DMXL1: variants seen among roughly 807,000 people sequenced by gnomAD.
DMXL1 encodes the protein dmX-like protein 1.
A neutral mutation model predicts 319.2 loss-of-function variants in DMXL1; 99 were observed. That is an observed-to-expected ratio of 0.31 (90% CI 0.26 to 0.37). The LOEUF is 0.37. Ranked by LOEUF, DMXL1 falls within the 10% of genes least tolerant of loss-of-function variation. DMXL1 has a pLI of 1.00. For synonymous variants in DMXL1, 1,385 were observed against 1,235.2 expected (o/e 1.12, Z -2.54); for missense variants, 3,745 against 3,595.6 (o/e 1.04, Z -1.06).
intron 33 of DMXL1, among the ~76,000 whole-genome samples, chr5:119,203,870 G>T (rs1029899167): frequency 1.3e-5 from 2 of 151,836 alleles, no homozygotes; most frequent in Non-Finnish European, 2.9e-5. Context: ...ACCCAGGCTG[G>T]AGTGCAGTGG....
chr5:119,189,943 C>G, intron 29 of DMXL1, 57 bp downstream of exon 29: 2 of 1,497,812 alleles, frequency 1.3e-6, no homozygotes, highest in Non-Finnish European at 1.8e-6. Flanking sequence ...ATGAGAATAT[C>G]AGAAATAAGT....
chr5:119,137,393 GA>G (rs1766259822), intron 13 of DMXL1, among the ~76,000 whole-genome samples: 1 of 152,184 alleles, frequency 6.6e-6, no homozygotes, highest in Non-Finnish European at 1.5e-5. Context: ...TTTGGACTTG[GA>G]CTTTTGGGTT....
chr5:119,143,719 G>C, intron 13 of DMXL1, 122 bp from the exon 14 acceptor site: 1 of 546,374 alleles, frequency 1.8e-6, no homozygotes, highest in South Asian at 3.5e-5. Context: ...TAGTTGAAAG[G>C]GACTATATTT....
At position 119,149,728 on chromosome 5, in the gene DMXL1, G is replaced by A. The variant is rs766524286; in HGVS notation, c.3901G>A (p.Asp1301Asn). ...AATCTGTGGAAAGAAAACTGCATTC[G>A]ATCCTTCAGTGGATATGGAAGATTC... ...QKICGKKTAF[D>N]PSVDMEDSGL... The change falls in exon 18 of 44, where the codon GAT becomes AAT. Residue 1301 changes from aspartate to asparagine, a missense_variant. This residue lies in a region of DMXL1 where 2,096 missense variants were observed against 1,985.4 expected (regional missense o/e 1.06). Transcript: ENST00000539542. The A allele has an allele frequency of 1.3e-5, 21 of 1,613,952 alleles. No homozygotes were observed. The highest frequency in any genetic ancestry group is 1.7e-5 in the Non-Finnish European group (20 of 1,179,930).
intron 4 of DMXL1, among the ~76,000 whole-genome samples, chr5:119,105,622 G>A (rs1249019679): frequency 6.6e-6 from 1 of 152,164 alleles, no homozygotes; most frequent in Non-Finnish European, 1.5e-5. Flanking sequence ...TATGCCAGGC[G>A]TGGTGGCTCA....
chr5:119,233,871 G>A (rs572153972), intron 39 of DMXL1, among the ~76,000 whole-genome samples: 3 of 152,132 alleles, frequency 2.0e-5, no homozygotes, highest in East Asian at 1.9e-4. Context: ...ATTTTAACCC[G>A]ATATTGTTGT....
In DMXL1 at chr5:119,110,140, A is replaced by T. The variant is rs1369745283; in HGVS notation, c.365-11A>T. The T allele has an allele frequency of 5.1e-6, 8 of 1,583,544 alleles. No homozygotes were observed. The Admixed American group carries it at 5.6e-5, about 11-fold the overall frequency. On this transcript the variant is annotated splice_polypyrimidine_tract_variant and intron_variant, in intron 4 of 43. Transcript: ENST00000539542. ...ACCTAAATAATAAATGAGGAATAAT[A>T]TTTTTTTTAGGCAGTCGTCTTTTAA...
intron 36 of DMXL1, 152 bp downstream of exon 36, chr5:119,220,745 A>T: frequency 2.5e-6 from 3 of 1,181,154 alleles, no homozygotes; most frequent in Non-Finnish European, 3.5e-6. Flanking sequence ...AAGAGCTTTA[A>T]ATAAGGGAAC....
intron 13 of DMXL1, 50 bp from the exon 14 acceptor site, chr5:119,143,790 TA>T: frequency 1.6e-6 from 2 of 1,241,144 alleles, no homozygotes; most frequent in Middle Eastern, 2.2e-4. Flanking sequence ...TATTTACTCT[TA>T]TTTGCATATG....
intron 38 of DMXL1, among the ~76,000 whole-genome samples, chr5:119,229,104 C>CA (rs1786164508): frequency 6.8e-6 from 1 of 147,144 alleles, no homozygotes; most frequent in Non-Finnish European, 1.5e-5. Flanking sequence ...AGCTTGAGCC[C>CA]AGGAGTTCAA....
intron 30 of DMXL1, 53 bp from the exon 31 acceptor site, chr5:119,196,318 C>A: frequency 1.4e-6 from 2 of 1,388,278 alleles, no homozygotes; most frequent in Non-Finnish European, 2.1e-6. Context: ...GTAGTATACT[C>A]TTCTAAATCC....
Position 119,152,541 on chromosome 5 carries a change from C to G in DMXL1, c.4702+505C>G, listed in dbSNP as rs953119370. Reference sequence around the variant, plus strand: ...ATTAGTTTAGTATATTTCATGTATTCTATATTTAGTGCTGTATTTCAGATA... The same window carrying G: ...ATTAGTTTAGTATATTTCATGTATTGTATATTTAGTGCTGTATTTCAGATA... On this transcript the variant is annotated intron_variant, in intron 19 of 43. Transcript: ENST00000539542. Among the ~76,000 whole-genome samples, 29 of 152,048 alleles carry G rather than the reference C, an allele frequency of 1.9e-4. 1 individual carries two copies. Among genetic ancestry groups the G allele is most frequent in the African/African-American group, 6.8e-4 (28 of 41,418 alleles).
rs2150128292 is a variant in DMXL1 at position 119,147,400 on chromosome 5, A to G, written c.2841A>G (p.Ser947=). The change falls in exon 17 of 44, where the codon TCA becomes TCG. Residue 947 remains serine (S), a synonymous_variant. Coordinates refer to ENST00000539542, the MANE Select transcript of DMXL1 (RefSeq NM_001290321.3). ...GTACCAGCAGGTTGACTCTGTTTTCAGAAATGGTTTATAGCCAAGAATTGC... is the reference window on the plus strand; with the variant it reads ...GTACCAGCAGGTTGACTCTGTTTTCGGAAATGGTTTATAGCCAAGAATTGC... ...LQSTSRLTLF[S]EMVYSQELHL... 1 of 1,613,674 alleles carries G rather than the reference A, an allele frequency of 6.2e-7. No individual in the cohort carries two copies. The highest frequency in any genetic ancestry group is 2.2e-5 in the East Asian group (1 of 44,856).
At chr5:119,175,187 T>C in intron 25 of DMXL1, 74 bp from the exon 26 acceptor site, 1 of 1,107,036 alleles carries the variant, frequency 9.0e-7, no homozygotes, top group South Asian at 1.5e-5. Context: ...AAAATGCTGA[T>C]TATATTAGGT....
At chr5:119,166,521 A>G (rs905813069) in intron 21 of DMXL1, 95 bp from the exon 22 acceptor site, 7 of 1,099,190 alleles carry the variant, frequency 6.4e-6, no homozygotes, top group South Asian at 2.9e-5. Context: ...AGATGTTTCT[A>G]TTTAGACTTA....
chr5:119,099,285 A>G (rs1418850212), intron 2 of DMXL1, among the ~76,000 whole-genome samples: 1 of 151,984 alleles, frequency 6.6e-6, no homozygotes, highest in African/African-American at 2.4e-5. Flanking sequence ...ATCTCAGCTC[A>G]CTGCAGCCTC....
intron 37 of DMXL1, among the ~76,000 whole-genome samples, chr5:119,223,702 A>G (rs1223617977): frequency 1.3e-5 from 2 of 152,152 alleles, no homozygotes; most frequent in Non-Finnish European, 2.9e-5. Flanking sequence ...ATGATTTTAC[A>G]TATTTTACAT....
At chr5:119,122,562 C>T (rs1287976070) in intron 9 of DMXL1, among the ~76,000 whole-genome samples, 6 of 150,264 alleles carry the variant, frequency 4.0e-5, no homozygotes, top group East Asian at 2.0e-4. Context: ...GGCTGCCGGG[C>T]GGAGGGGCTC....
chr5:119,089,813 A>G (rs1480256649), intron 1 of DMXL1, among the ~76,000 whole-genome samples: 1 of 150,170 alleles, frequency 6.7e-6, no homozygotes, highest in African/African-American at 2.5e-5. Flanking sequence ...TTTAGTAGAG[A>G]TGGGGTTTCT....
Sources: allele counts gnomAD v4.1 joint callset (sites outside exome capture counted in the v4.1 genomes callset), GRCh38; gene constraint gnomAD v4.1.1; regional missense constraint gnomAD v4.1.1; transcripts MANE v1.5; gene names NCBI Gene and HGNC (gene_info 2026-07-23, HGNC 2026-07-21).